GSPT1: variants seen among roughly 807,000 people sequenced by gnomAD.
GSPT1 encodes the protein eukaryotic peptide chain release factor GTP-binding subunit ERF3A.
Under a neutral mutation model 72.5 loss-of-function variants are expected in GSPT1, and 20 were observed. The observed-to-expected ratio is 0.28, with a 90% CI of 0.19 to 0.40. GSPT1 has a LOEUF of 0.40. GSPT1 is among the 10% of genes least tolerant of loss of function. GSPT1 has a pLI of 1.00. For synonymous variants in GSPT1, 334 were observed against 293.5 expected, an observed-to-expected ratio of 1.14 and a Z score of -1.41; for missense variants, 580 against 811.9, an observed-to-expected ratio of 0.71 and a Z score of 3.47.
rs1596469988 is a variant in GSPT1, at chr16:11,897,885, G to A, written c.395-4C>T. 1.3e-6 allele frequency: 2 copies of A among 1,535,564 alleles called. No individual in the cohort carries two copies. Among genetic ancestry groups the A allele is most frequent in the South Asian group, 1.2e-5 (1 of 84,666 alleles). On this transcript the variant is annotated splice_polypyrimidine_tract_variant and splice_region_variant and intron_variant, in intron 2 of 14. Coordinates refer to ENST00000434724, the MANE Select transcript of GSPT1 (RefSeq NM_002094.4). Reference sequence around the variant, plus strand: ...ATGCTAACAGCTGAATTTGAACCTAGACAAGAGATTGAAATATAATATATA... The same window carrying A: ...ATGCTAACAGCTGAATTTGAACCTAAACAAGAGATTGAAATATAATATATA...
intron 1 of GSPT1, among the ~76,000 whole-genome samples, chr16:11,898,441 C>CT (rs5815660): frequency 0.029 from 3,152 of 107,012 alleles, 79 homozygotes; most frequent in African/African-American, 0.05. Flanking sequence ...GTGATTAGCC[C>CT]TTTTTTTTTT....
chr16:11,876,826 C>G (rs771819220), intron 12 of GSPT1, among the ~76,000 whole-genome samples: 4 of 152,166 alleles, frequency 2.6e-5, no homozygotes, highest in Admixed American at 6.6e-5. Flanking sequence ...CTAATTTTTA[C>G]CGCTCAGAAG....
At chr16:11,876,247 T>C (rs2054044878) in intron 12 of GSPT1, 72 bp from the exon 13 acceptor site, 6 of 932,350 alleles carry the variant, frequency 6.4e-6, no homozygotes, top group Non-Finnish European at 1.1e-5. Context: ...TCAAGCGCCA[T>C]ATAAATCCCA....
chr16:11,889,843 T>C (rs2054235372), intron 6 of GSPT1, among the ~76,000 whole-genome samples: 1 of 152,018 alleles, frequency 6.6e-6, no homozygotes, highest in Admixed American at 6.6e-5. Context: ...TTTCACCATA[T>C]TGGCCAGGGT....
At chr16:11,892,895 C>A (rs1238813099) in intron 5 of GSPT1, among the ~76,000 whole-genome samples, 1 of 139,406 alleles carries the variant, frequency 7.2e-6, no homozygotes. Flanking sequence ...AGTGGACAAT[C>A]TTGACAGATG....
intron 11 of GSPT1, among the ~76,000 whole-genome samples, chr16:11,879,053 G>A (rs915461584): frequency 6.7e-6 from 1 of 150,132 alleles, no homozygotes; most frequent in Non-Finnish European, 1.5e-5. Flanking sequence ...TCCAGCCTGG[G>A]CAATAAGAGC....
At chr16:11,912,159 A>G (rs924151729) in intron 1 of GSPT1, among the ~76,000 whole-genome samples, 1 of 151,398 alleles carries the variant, frequency 6.6e-6, no homozygotes, top group Admixed American at 6.6e-5. Flanking sequence ...CCTAGCCAAC[A>G]TGGTGAAACC....
intron 11 of GSPT1, among the ~76,000 whole-genome samples, chr16:11,882,808 A>T (rs1046973679): frequency 1.3e-5 from 2 of 152,214 alleles, no homozygotes; most frequent in Non-Finnish European, 2.9e-5. Flanking sequence ...TTAAAAAAAA[A>T]AAAAATTAGC....
Position 11,879,738 on chromosome 16 carries a change from C to CAAAAAAA in GSPT1, c.1429-2165_1429-2159dup, listed in dbSNP as rs1195456490. On this transcript the variant is annotated intron_variant, in intron 11 of 14. Coordinates refer to ENST00000434724, the MANE Select transcript of GSPT1 (RefSeq NM_002094.4). ...TGGGCTACAGAGCGAGACTCCGTCT[C>CAAAAAAA]AAAAAAAAAAAAAAAAACAAAACAA... Among the ~76,000 whole-genome samples, 3 of 84,302 alleles carry CAAAAAAA rather than the reference C, an allele frequency of 3.6e-5. No homozygotes were observed. In the East Asian group the frequency reaches 1.1e-3, roughly 31 times the overall value. 55.3% of individuals were successfully genotyped at this position (84,302 alleles called of 152,430 possible). A position where few individuals can be genotyped will look rare whatever the true frequency, so the allele number is the denominator to read the frequency against.
chr16:11,873,680 T>C (rs187418578), intron 14 of GSPT1, among the ~76,000 whole-genome samples: 3 of 152,226 alleles, frequency 2.0e-5, no homozygotes, highest in Admixed American at 2.0e-4. Context: ...CTCCTCCTTC[T>C]GGGTTCAAGT....
chr16:11,916,004 A>ACCCCCGGCGCGGATTGAC, upstream of GSPT1: 1 of 663,308 alleles, frequency 1.5e-6, no homozygotes, highest in Admixed American at 1.8e-5. Context: ...AGCCAACCCC[A>ACCCCCGGCGCGGATTGAC]CCCCCGGCGC....
intron 1 of GSPT1, among the ~76,000 whole-genome samples, chr16:11,903,598 G>A (rs1311753569): frequency 6.6e-6 from 1 of 152,014 alleles, no homozygotes; most frequent in Non-Finnish European, 1.5e-5. Context: ...GAGGTGGGAG[G>A]ATCACTTGAA....
intron 2 of GSPT1, 43 bp downstream of exon 2, chr16:11,897,951 C>T (rs1457070657): frequency 9.6e-6 from 14 of 1,465,262 alleles, no homozygotes; most frequent in African/African-American, 1.4e-5. Context: ...ATATAGACAA[C>T]CTAATGTTTT....
chr16:11,909,862 G>A (rs1476251177), intron 1 of GSPT1, among the ~76,000 whole-genome samples: 3 of 152,082 alleles, frequency 2.0e-5, no homozygotes, highest in Admixed American at 6.6e-5. Context: ...GGAGGCAGAG[G>A]TTACGGTGAG....
chr16:11,915,414 C>T lies in GSPT1; in HGVS notation c.307G>A (p.Ala103Thr), dbSNP rs755929307. Residue 103 changes from alanine (A) to threonine (T), a missense_variant, in exon 1 of 15, where the codon GCC (alanine) becomes ACC (threonine). This residue lies in a region of GSPT1 where 327 missense variants were observed against 298.8 expected (regional missense o/e 1.09). Transcript: ENST00000434724. Reference protein sequence around the residue: ...PAAPPPPVGGAANNHGAGSGA... With the variant: ...PAAPPPPVGGTANNHGAGSGA... The stretch of plus-strand genomic sequence containing the variant: ...CTGCCGGCTCCGTGGTTATTGGCGG[C>T]GCCGCCAACTGGGGGTGGCGGCGCT... The T allele has an allele frequency of 7.3e-6, 11 of 1,507,306 alleles. No individual in the cohort carries two copies. The East Asian group carries it at 2.3e-4, about 31-fold the overall frequency. The allele number at this position is 1,507,306 out of a possible 1,614,324, so 93.4% of individuals were successfully genotyped here. A position where few individuals can be genotyped will look rare whatever the true frequency, so the allele number is the denominator to read the frequency against.
intron 7 of GSPT1, 76 bp from the exon 8 acceptor site, chr16:11,887,007 C>CCTGGCTGAGATTACCTAATTCCAAGAA: frequency 8.4e-6 from 7 of 838,148 alleles, no homozygotes; most frequent in Non-Finnish European, 1.1e-5. Flanking sequence ...TCTTTCCTTT[C>CCTGGCTGAGATTACCTAATTCCAAGAA]AGTTATATCA....
intron 8 of GSPT1, 54 bp downstream of exon 8, chr16:11,886,723 T>A: frequency 6.3e-7 from 1 of 1,576,166 alleles, no homozygotes; most frequent in Admixed American, 1.7e-5. Flanking sequence ...AGTCGTACAA[T>A]AACAAAACCA....
chr16:11,886,628 A>T lies in GSPT1; in HGVS notation c.1113-17T>A, dbSNP rs780430431. On this transcript the variant is annotated splice_polypyrimidine_tract_variant and intron_variant, in intron 8 of 14. Coordinates refer to ENST00000434724, the MANE Select transcript of GSPT1 (RefSeq NM_002094.4). ...TCTTCATATCTGCAATTATAATGTA[A>T]CCAAAATAACTCAATTATAATGTAA... 6.3e-7 allele frequency: 1 copy of T among 1,596,606 alleles called. No homozygotes were observed. Among genetic ancestry groups the T allele is most frequent in the East Asian group, 2.2e-5 (1 of 44,766 alleles).
intron 5 of GSPT1, among the ~76,000 whole-genome samples, chr16:11,892,170 C>G (rs1023030911): frequency 6.6e-6 from 1 of 150,768 alleles, no homozygotes; most frequent in Non-Finnish European, 1.5e-5. Flanking sequence ...ACAGTGAGAC[C>G]ATCTCCACAT....
Sources: allele counts gnomAD v4.1 joint callset (sites outside exome capture counted in the v4.1 genomes callset), GRCh38; gene constraint gnomAD v4.1.1; regional missense constraint gnomAD v4.1.1; transcripts MANE v1.5; gene names NCBI Gene and HGNC (gene_info 2026-07-23, HGNC 2026-07-21).